The following ZNRD2 variants were observed in gnomAD, a reference collection of about 807,000 sequenced individuals.
ZNRD2 encodes zinc ribbon domain containing 2.
ZNRD2 carries 16 observed loss-of-function variants against 22.0 expected under a neutral mutation model. That is an observed-to-expected ratio of 0.73 (90% confidence interval 0.49 to 1.11). The LOEUF is 1.11. ZNRD2 is among the 50% of genes least tolerant of loss of function. The probability of loss-of-function intolerance (pLI) is 0.00; values close to 1 mark genes in which losing one functional copy is unlikely to be tolerated. For synonymous variants in ZNRD2, 105 were observed against 109.8 expected, an observed-to-expected ratio of 0.96 and a Z score of 0.27; for missense variants, 269 against 258.9, an observed-to-expected ratio of 1.04 and a Z score of -0.27.
chr11:65,571,015 G>T, intron 3 of ZNRD2, 45 bp downstream of exon 3: 1 of 1,577,002 alleles, frequency 6.3e-7, no homozygotes, highest in Non-Finnish European at 8.7e-7. Context: ...ATATGCTTAG[G>T]GGGGAAGCGT....
chr11:65,570,876 TG>T lies in ZNRD2; in HGVS notation c.172-8del. On this transcript the variant is annotated splice_polypyrimidine_tract_variant and intron_variant, in intron 2 of 3. Transcript: ENST00000309328. Reference sequence around the variant, plus strand: ...TCTCATTCCGGCCCCGTGTGCTTTTTGGTCCGTAGACGATCCTCCTCCAAGA... The same window carrying T: ...TCTCATTCCGGCCCCGTGTGCTTTTTGTCCGTAGACGATCCTCCTCCAAGA... 1 of 1,614,186 alleles carries T rather than the reference TG, an allele frequency of 6.2e-7. No individual in the cohort carries two copies. Among genetic ancestry groups the T allele is most frequent in the Non-Finnish European group, 8.5e-7 (1 of 1,180,012 alleles).
Position 65,571,639 on chromosome 11 carries a change from G to T in ZNRD2, c.505G>T (p.Gly169Cys). 6.2e-7 allele frequency: 1 copy of T among 1,614,124 alleles called. No homozygotes were observed. Among genetic ancestry groups the T allele is most frequent in the Admixed American group, 1.7e-5 (1 of 60,038 alleles). The change falls in exon 4 of 4, where the codon GGC (glycine) becomes TGC (cysteine). Residue 169 changes from glycine to cysteine, a missense_variant. By Grantham distance (159) the Gly-to-Cys change is radical. Transcript: ENST00000309328. The stretch of plus-strand genomic sequence containing the variant: ...GCTGACCTGGGCCTCTGCTGAACTG[G>T]GCTCTAGCACCTCCCTGGAGACTAG... ...QKLTWASAELGSSTSLETSIQ... is the reference protein window; with the variant it reads ...QKLTWASAELCSSTSLETSIQ...
At chr11:65,570,553 G>A in intron 1 of ZNRD2, 43 bp downstream of exon 1, 1 of 1,613,930 alleles carries the variant, frequency 6.2e-7, no homozygotes. Context: ...TGAGGTACGG[G>A]AGGCAGCCCA....
chr11:65,571,527 A>G lies in ZNRD2; in HGVS notation c.393A>G (p.Gly131=). The change falls in exon 4 of 4, where the codon GGA becomes GGG. Residue 131 remains glycine, a synonymous_variant. Transcript: ENST00000309328. ...AGCACTGTGAGGGAGCTGCAGCAGG[A>G]CTCAAGGCAGCCCAGGGGCCACCTG... ...RPEHCEGAAA[G]LKAAQGPPAP... is the part of the protein sequence containing the mutation. 1 of 1,613,906 alleles carries G rather than the reference A, an allele frequency of 6.2e-7. No individual in the cohort carries two copies. The highest frequency in any genetic ancestry group is 8.5e-7 in the Non-Finnish European group (1 of 1,180,024).
chr11:65,571,687 C>A lies in ZNRD2; in HGVS notation c.553C>A (p.Arg185Ser). ...ETSIQLCGLI[R>S]ACAEALRSLQ... ...TAGCATCCAGCTGTGTGGCCTTATC[C>A]GCGCATGTGCGGAGGCCCTGCGCAG... The change falls in exon 4 of 4, where the codon CGC (arginine) becomes AGC (serine). Residue 185 changes from arginine (R) to serine (S), a missense_variant. Arg to Ser is a moderately radical substitution (Grantham distance 110, BLOSUM62 -1). Coordinates refer to ENST00000309328, the MANE Select transcript of ZNRD2 (RefSeq NM_006396.3). 1 of 1,613,776 alleles carries A rather than the reference C, an allele frequency of 6.2e-7. No individual in the cohort carries two copies. Among genetic ancestry groups the A allele is most frequent in the Non-Finnish European group, 8.5e-7 (1 of 1,179,904 alleles).
chr11:65,571,371 C>G lies in ZNRD2; in HGVS notation c.257-20C>G. The G allele has an allele frequency of 6.4e-7, 1 of 1,558,302 alleles. No homozygotes were observed. Among genetic ancestry groups the G allele is most frequent in the Non-Finnish European group, 8.7e-7 (1 of 1,149,564 alleles). On this transcript the variant is annotated intron_variant, in intron 3 of 3. Coordinates refer to ENST00000309328, the MANE Select transcript of ZNRD2 (RefSeq NM_006396.3). ...GGGCCAGGCATCCTGACCATTCCAC[C>G]CACTTTCTCCTCTTTTTAGCTCTGA...
chr11:65,571,081 C>T (rs769114414), intron 3 of ZNRD2, 111 bp downstream of exon 3: 12 of 1,051,380 alleles, frequency 1.1e-5, no homozygotes, highest in Non-Finnish European at 1.5e-5. Context: ...ACAGTGGAGT[C>T]TCTGGGTGGG....
At position 65,571,692 on chromosome 11, in the gene ZNRD2, A is replaced by G. The variant is rs748754303; in HGVS notation, c.558A>G (p.Ala186=). Residue 186 remains alanine (A), a synonymous_variant, in exon 4 of 4, where the codon GCA becomes GCG. Coordinates refer to ENST00000309328, the MANE Select transcript of ZNRD2 (RefSeq NM_006396.3). The part of the protein sequence containing the change: ...TSIQLCGLIR[A]CAEALRSLQQ... ...TCCAGCTGTGTGGCCTTATCCGCGC[A>G]TGTGCGGAGGCCCTGCGCAGCCTGC... The G allele has an allele frequency of 1.2e-6, 2 of 1,613,760 alleles. No individual in the cohort carries two copies. Among genetic ancestry groups the G allele is most frequent in the South Asian group, 1.1e-5 (1 of 91,078 alleles).
chr11:65,571,086 G>T, intron 3 of ZNRD2, 116 bp downstream of exon 3: 1 of 1,014,494 alleles, frequency 9.9e-7, no homozygotes, highest in Non-Finnish European at 1.5e-6. Flanking sequence ...GGAGTCTCTG[G>T]GTGGGGTAGA....
In ZNRD2 at chr11:65,571,868, C is replaced by T; in HGVS notation, c.*134C>T. ...CCAGCTTTTGGCCTCTTCACCTCTC[C>T]ACTCTGCTCTCCTTGACGCCCTGAG... On this transcript the variant is annotated 3_prime_UTR_variant, in exon 4 of 4. Coordinates refer to ENST00000309328, the MANE Select transcript of ZNRD2 (RefSeq NM_006396.3). 7.6e-7 allele frequency: 1 copy of T among 1,313,034 alleles called. No individual in the cohort carries two copies. Among genetic ancestry groups the T allele is most frequent in the Non-Finnish European group, 1.0e-6 (1 of 986,588 alleles). 81.3% of individuals were successfully genotyped at this position (1,313,034 alleles called of 1,614,324 possible).
Position 65,570,922 on chromosome 11 carries a change from TGCGTG to T in ZNRD2, c.211_215del (p.Val71LeufsTer10). 6.2e-7 allele frequency: 1 copy of T among 1,614,134 alleles called. No individual in the cohort carries two copies. The highest frequency in any genetic ancestry group is 8.5e-7 in the Non-Finnish European group (1 of 1,180,004). ...CCAAGACAAACAGCGGAAAATCTACTGCGTGGCTTGTCAGGAACTCGACTCAGACG... is the reference window on the plus strand; with the variant it reads ...CCAAGACAAACAGCGGAAAATCTACTGCTTGTCAGGAACTCGACTCAGACG... On this transcript the variant is annotated frameshift_variant, in exon 3 of 4. Coordinates refer to ENST00000309328, the MANE Select transcript of ZNRD2 (RefSeq NM_006396.3). LOFTEE classifies it high-confidence loss of function.
In ZNRD2 at chr11:65,571,476, G is replaced by A. The variant is rs1257955021; in HGVS notation, c.342G>A (p.Ala114=). Reference sequence around the variant, plus strand: ...AGCTCCCCCTGGGCTCTCGACCTGCGCCCCAGCCCCCAGTACCTCGTCCGG... The same window carrying A: ...AGCTCCCCCTGGGCTCTCGACCTGCACCCCAGCCCCCAGTACCTCGTCCGG... The part of the protein sequence containing the change: ...ASELPLGSRP[A]PQPPVPRPEH... Residue 114 remains alanine (A), a synonymous_variant, in exon 4 of 4, where the codon GCG becomes GCA. Coordinates refer to ENST00000309328, the MANE Select transcript of ZNRD2 (RefSeq NM_006396.3). 3 of 1,613,584 alleles carry A rather than the reference G, an allele frequency of 1.9e-6. No individual in the cohort carries two copies. The highest frequency in any genetic ancestry group is 1.3e-5 in the African/African-American group (1 of 75,012).
At chr11:65,570,538 G>A in intron 1 of ZNRD2, 28 bp downstream of exon 1, 1 of 1,613,910 alleles carries the variant, frequency 6.2e-7, no homozygotes, top group Non-Finnish European at 8.5e-7. Flanking sequence ...AGGGGTTTGT[G>A]GCTGTGAGGT....
Position 65,570,886 on chromosome 11 carries a change from A to G in ZNRD2, c.172A>G (p.Thr58Ala). 6.2e-7 allele frequency: 1 copy of G among 1,614,162 alleles called. No individual in the cohort carries two copies. Among genetic ancestry groups the G allele is most frequent in the Admixed American group, 1.7e-5 (1 of 60,018 alleles). ...GCCCCGTGTGCTTTTTGGTCCGTAG[A>G]CGATCCTCCTCCAAGACAAACAGCG... is the stretch of plus-strand genomic sequence containing the variant. ...MLGETCADCG[T>A]ILLQDKQRKI... Residue 58 changes from threonine (T) to alanine (A), a missense_variant and splice_region_variant, in exon 3 of 4, where the codon ACG becomes GCG. By Grantham distance (58) the Thr-to-Ala change is moderately conservative (BLOSUM62 0). Coordinates refer to ENST00000309328, the MANE Select transcript of ZNRD2 (RefSeq NM_006396.3).
chr11:65,571,531 A>C lies in ZNRD2; in HGVS notation c.397A>C (p.Lys133Gln), dbSNP rs745594285. Reference sequence around the variant, plus strand: ...CTGTGAGGGAGCTGCAGCAGGACTCAAGGCAGCCCAGGGGCCACCTGCTCC... The same window carrying C: ...CTGTGAGGGAGCTGCAGCAGGACTCCAGGCAGCCCAGGGGCCACCTGCTCC... ...EHCEGAAAGLKAAQGPPAPAV... is the reference protein window; with the variant it reads ...EHCEGAAAGLQAAQGPPAPAV... The change falls in exon 4 of 4, where the codon AAG (lysine) becomes CAG (glutamine). Residue 133 changes from lysine to glutamine, a missense_variant. Transcript: ENST00000309328. The C allele has an allele frequency of 7.4e-6, 12 of 1,613,936 alleles. No individual in the cohort carries two copies. Among genetic ancestry groups the C allele is most frequent in the Non-Finnish European group, 1.0e-5 (12 of 1,180,004 alleles).
At chr11:65,571,313 A>G in intron 3 of ZNRD2, 78 bp from the exon 4 acceptor site, 1 of 1,495,226 alleles carries the variant, frequency 6.7e-7, no homozygotes, top group Non-Finnish European at 8.9e-7. Context: ...CAGAAAGAGC[A>G]GAGCAGAAAA....
intron 1 of ZNRD2, 36 bp from the exon 2 acceptor site, chr11:65,570,568 G>A (rs746824810): frequency 6.2e-6 from 10 of 1,613,758 alleles, no homozygotes; most frequent in Admixed American, 1.7e-5. Context: ...AGCCCACTCC[G>A]GCAAGACCCC....
chr11:65,571,780 G>A lies in ZNRD2; in HGVS notation c.*46G>A. 2.0e-6 allele frequency: 3 copies of A among 1,499,260 alleles called. No homozygotes were observed. Among genetic ancestry groups the A allele is most frequent in the South Asian group, 2.6e-5 (2 of 75,762 alleles). The allele number at this position is 1,499,260 out of a possible 1,614,324, so 92.9% of individuals were successfully genotyped here. A position where few individuals can be genotyped will look rare whatever the true frequency, so the allele number is the denominator to read the frequency against. ...CCTCTAGAAAAACAGCTGTTCCTCT[G>A]TGTGGTTTGTTTTTTTCCTGGTTCC... is the stretch of plus-strand genomic sequence containing the variant. On this transcript the variant is annotated 3_prime_UTR_variant, in exon 4 of 4. Coordinates refer to ENST00000309328, the MANE Select transcript of ZNRD2 (RefSeq NM_006396.3).
At position 65,570,770 on chromosome 11, in the gene ZNRD2, G is replaced by C. The variant is rs562715865; in HGVS notation, c.171+15G>C. ...CGGACTGCGGGGTGAGGCGAGACTC[G>C]GGCGAGTGACCGGGGATGGGTCCGC... On this transcript the variant is annotated intron_variant, in intron 2 of 3. Transcript: ENST00000309328. 2 of 1,613,100 alleles carry C rather than the reference G, an allele frequency of 1.2e-6. No individual in the cohort carries two copies. Among genetic ancestry groups the C allele is most frequent in the Admixed American group, 3.3e-5 (2 of 59,960 alleles).
Sources: gnomAD v4.1 joint callset for allele counts on GRCh38, gnomAD v4.1.1 for gene constraint, MANE v1.5 for transcripts, NCBI Gene and HGNC (gene_info 2026-07-23, HGNC 2026-07-21) for gene names.